The following TLE6 variants were observed in gnomAD, a reference collection of about 807,000 sequenced individuals.
TLE6 encodes the protein transducin-like enhancer protein 6.
In TLE6, 72 loss-of-function variants were observed where a neutral mutation model predicts 77.1. That is an observed-to-expected ratio of 0.93 (90% CI 0.77 to 1.14). TLE6 has a LOEUF of 1.14. Among genes scored for constraint, TLE6 ranks in the 50% most tolerant of loss-of-function variants. The pLI is 0.00. For synonymous variants in TLE6, 366 were observed against 287.3 expected (o/e 1.27, Z -2.77); for missense variants, 843 against 747.6 (o/e 1.13, Z -1.49).
intron 14 of TLE6, among the ~76,000 whole-genome samples, chr19:2,993,187 G>A (rs488127): frequency 0.1 from 15,771 of 152,090 alleles, 1,080 homozygotes; most frequent in Admixed American, 0.17. Flanking sequence ...ACTCCAGCCC[G>A]GCAACAGAGC....
In TLE6 at chr19:2,989,805, A is replaced by G; in HGVS notation, c.1244+20A>G. ...GGTCAGGTGCGTTTGGGGGGTGGGAAGGGGAAGCATCCTGTGCCAGCCTCC... is the reference window on the plus strand; with the variant it reads ...GGTCAGGTGCGTTTGGGGGGTGGGAGGGGGAAGCATCCTGTGCCAGCCTCC... On this transcript the variant is annotated intron_variant, in intron 13 of 16. Coordinates refer to ENST00000246112, the MANE Select transcript of TLE6 (RefSeq NM_001143986.2). The G allele has an allele frequency of 6.2e-7, 1 of 1,611,714 alleles. No individual in the cohort carries two copies. Among genetic ancestry groups the G allele is most frequent in the Non-Finnish European group, 8.5e-7 (1 of 1,178,344 alleles).
intron 14 of TLE6, among the ~76,000 whole-genome samples, chr19:2,992,790 A>C: frequency 7.5e-5 from 1 of 13,346 alleles, no homozygotes; most frequent in Admixed American, 4.1e-4. Context: ...AAAAAAAAAA[A>C]AAAGGGGGGG....
rs138741196 is a variant in TLE6, at chr19:2,987,813, G to A, written c.625+23G>A. On this transcript the variant is annotated intron_variant, in intron 9 of 16. Transcript: ENST00000246112. Reference sequence around the variant, plus strand: ...CCAGTAATCCCAGCGGGCAGGGGCCGACCGACTCCAGGCGGGATGGGGTGG... The same window carrying A: ...CCAGTAATCCCAGCGGGCAGGGGCCAACCGACTCCAGGCGGGATGGGGTGG... The A allele has an allele frequency of 7.6e-5, 123 of 1,614,054 alleles. No individual in the cohort carries two copies. The African/African-American group carries it at 8.7e-4, about 11-fold the overall frequency.
At chr19:2,983,245 C>G (rs2088835738) in intron 5 of TLE6, among the ~76,000 whole-genome samples, 1 of 152,162 alleles carries the variant, frequency 6.6e-6, no homozygotes, top group Admixed American at 6.5e-5. Flanking sequence ...TTGCCAAATA[C>G]TGTTGTAGAA....
chr19:2,988,323 G>A (rs986757925), intron 11 of TLE6, among the ~76,000 whole-genome samples, 195 bp downstream of exon 11: 10 of 152,162 alleles, frequency 6.6e-5, no homozygotes, highest in Non-Finnish European at 8.8e-5. Flanking sequence ...TAGGCCGGGC[G>A]CGGTGGCTCA....
chr19:2,989,190 C>G lies in TLE6; in HGVS notation c.870C>G (p.Leu290=). ...MRILAHGELV[L]ATAISSFTRH... is the part of the protein sequence containing the mutation. ...TCTTGGCACACGGGGAGCTCGTGCT[C>G]GCCACGGCCATCAGCAGCTTCACGC... Residue 290 remains leucine, a synonymous_variant, in exon 12 of 17, where the codon CTC becomes CTG. Coordinates refer to ENST00000246112, the MANE Select transcript of TLE6 (RefSeq NM_001143986.2). The G allele has an allele frequency of 6.2e-7, 1 of 1,614,098 alleles. No individual in the cohort carries two copies. The highest frequency in any genetic ancestry group is 8.5e-7 in the Non-Finnish European group (1 of 1,180,044).
chr19:2,991,434 A>C (rs1223276940), intron 13 of TLE6, among the ~76,000 whole-genome samples: 1 of 149,232 alleles, frequency 6.7e-6, no homozygotes, highest in East Asian at 1.9e-4. Context: ...ACATATATAT[A>C]ATATATGTAT....
At position 2,987,902 on chromosome 19, in the gene TLE6, C is replaced by A; in HGVS notation, c.630C>A (p.Pro210=). The change falls in exon 10 of 17, where the codon CCC becomes CCA. Residue 210 remains proline, a synonymous_variant. Coordinates refer to ENST00000246112, the MANE Select transcript of TLE6 (RefSeq NM_001143986.2). The part of the protein sequence containing the change: ...TDPCPEDAST[P]RPPEASSSPP... ...CCCCTCTTGTCTCCCCACTAGCCCC[C>A]AGGCCACCTGAGGCCTCCTCCAGTC... 1 of 1,609,968 alleles carries A rather than the reference C, an allele frequency of 6.2e-7. No homozygotes were observed. Among genetic ancestry groups the A allele is most frequent in the South Asian group, 1.1e-5 (1 of 90,726 alleles).
At chr19:2,988,322 C>T (rs952301663) in intron 11 of TLE6, among the ~76,000 whole-genome samples, 194 bp downstream of exon 11, 9 of 152,064 alleles carry the variant, frequency 5.9e-5, no homozygotes, top group Middle Eastern at 3.4e-3. Context: ...TTAGGCCGGG[C>T]GCGGTGGCTC....
intron 13 of TLE6, among the ~76,000 whole-genome samples, chr19:2,990,107 T>C (rs1259988509): frequency 6.6e-6 from 1 of 152,060 alleles, no homozygotes; most frequent in Non-Finnish European, 1.5e-5. Flanking sequence ...TGTAAAAATA[T>C]AAAACAGCAG....
intron 5 of TLE6, among the ~76,000 whole-genome samples, chr19:2,983,190 C>T (rs1400573861): frequency 1.3e-5 from 2 of 152,082 alleles, no homozygotes; most frequent in Admixed American, 1.3e-4. Flanking sequence ...CAGGAAGCAA[C>T]CAAAACATGG....
Position 2,978,412 on chromosome 19 carries a change from T to C in TLE6, c.51+128T>C, listed in dbSNP as rs188890068. On this transcript the variant is annotated intron_variant, in intron 2 of 16. Transcript: ENST00000246112. ...CGCAGCTGAAGACAATACTGGTCGCTGCTACACTCAAGACAGGTGCCAAGG... is the reference window on the plus strand; with the variant it reads ...CGCAGCTGAAGACAATACTGGTCGCCGCTACACTCAAGACAGGTGCCAAGG... The C allele has an allele frequency of 5.4e-5, 48 of 892,616 alleles. No homozygotes were observed. The East Asian group carries it at 1.1e-3, about 21-fold the overall frequency. The allele number at this position is 892,616 out of a possible 1,614,324, so 55.3% of individuals were successfully genotyped here.
intron 5 of TLE6, chr19:2,983,986 A>T (rs906025236): frequency 1.3e-5 from 2 of 152,110 alleles, no homozygotes; most frequent in African/African-American, 2.4e-5. Context: ...CCCAGCCCCC[A>T]CTGCAGGGGG....
chr19:2,990,255 A>G (rs1304957024), intron 13 of TLE6, among the ~76,000 whole-genome samples: 1 of 151,912 alleles, frequency 6.6e-6, no homozygotes, highest in East Asian at 1.9e-4. Flanking sequence ...AATAGAATAA[A>G]TTTTATTTAA....
rs1263589576 is a variant in TLE6, at chr19:2,993,573, T to TC, written c.1533dup (p.Phe512LeufsTer30). 1 of 1,564,134 alleles carries TC rather than the reference T, an allele frequency of 6.4e-7. No homozygotes were observed. The highest frequency in any genetic ancestry group is 8.7e-7 in the Non-Finnish European group (1 of 1,148,622). The stretch of plus-strand genomic sequence containing the variant: ...CAGCGTCATCCTGAGCGTCAAGTTC[T>TC]CCCCCTTTGGTAAGCGGCTGGCGGA... On this transcript the variant is annotated frameshift_variant, in exon 15 of 17. Transcript: ENST00000246112. LOFTEE classifies it high-confidence loss of function.
At chr19:2,993,833 A>C (rs1599175305) in intron 15 of TLE6, among the ~76,000 whole-genome samples, 186 bp from the exon 16 acceptor site, 1 of 141,198 alleles carries the variant, frequency 7.1e-6, no homozygotes, top group Non-Finnish European at 1.5e-5. Context: ...TGGTGTCCCC[A>C]TGAGCCCGGG....
intron 4 of TLE6, 91 bp from the exon 5 acceptor site, chr19:2,982,057 A>G: frequency 5.2e-6 from 7 of 1,336,168 alleles, no homozygotes; most frequent in Non-Finnish European, 7.3e-6. Context: ...GTGGGGGAGT[A>G]GGGGCCAGAG....
At chr19:2,979,483 G>A (rs1167738726) in intron 2 of TLE6, among the ~76,000 whole-genome samples, 1 of 151,744 alleles carries the variant, frequency 6.6e-6, no homozygotes, top group Non-Finnish European at 1.5e-5. Flanking sequence ...CTGACCTCAG[G>A]TGTTCTGCTC....
rs554700508 is a variant in TLE6, at chr19:2,980,301, C to T, written c.134+119C>T. 6 of 752,106 alleles carry T rather than the reference C, an allele frequency of 8.0e-6. No individual in the cohort carries two copies. In the East Asian group the frequency reaches 1.8e-4, roughly 22 times the overall value. 46.6% of individuals were successfully genotyped at this position (752,106 alleles called of 1,614,324 possible). ...CTGGCCCAAGAGCCAGGCTCAGGAACAGGAAGCCATGCAGATACCCAGCAT... is the reference window on the plus strand; with the variant it reads ...CTGGCCCAAGAGCCAGGCTCAGGAATAGGAAGCCATGCAGATACCCAGCAT... On this transcript the variant is annotated intron_variant, in intron 3 of 16. Transcript: ENST00000246112.
Sources: allele counts gnomAD v4.1 joint callset (sites outside exome capture counted in the v4.1 genomes callset), GRCh38; gene constraint gnomAD v4.1.1; transcripts MANE v1.5; gene names NCBI Gene and HGNC (gene_info 2026-07-23, HGNC 2026-07-21).